LRP1B: variants seen among roughly 807,000 people sequenced by gnomAD.
The protein encoded by LRP1B is low-density lipoprotein receptor-related protein 1B.
In LRP1B, 217 loss-of-function variants were observed where a neutral mutation model predicts 556.6. The observed-to-expected ratio is 0.39, with a 90% CI of 0.35 to 0.44. LRP1B has a LOEUF of 0.44. Among genes scored for constraint, LRP1B ranks in the 20% least tolerant of loss-of-function variants. The probability of loss-of-function intolerance (pLI) is 1.00; values close to 1 mark genes in which losing one functional copy is unlikely to be tolerated. For missense variants in LRP1B, 5,053 were observed against 5,620.8 expected, an observed-to-expected ratio of 0.90 and a Z score of 3.23; for synonymous variants, 2,047 against 1,865.8, an observed-to-expected ratio of 1.10 and a Z score of -2.50.
At chr2:140,436,608 CTTTTT>C (rs56972100) in intron 66 of LRP1B, among the ~76,000 whole-genome samples, 1 of 139,260 alleles carries the variant, frequency 7.2e-6, no homozygotes, top group African/African-American at 2.6e-5. Context: ...TGCTCACTGT[CTTTTT>C]TTTTTTTTTT....
intron 27 of LRP1B, 72 bp downstream of exon 27, chr2:140,867,518 T>C (rs1236323311): frequency 7.0e-7 from 1 of 1,433,634 alleles, no homozygotes; most frequent in Non-Finnish European, 9.3e-7. Flanking sequence ...AGTTATTTTA[T>C]ACTTCAAATA....
chr2:141,279,727 T>C (rs1283919926), intron 3 of LRP1B, among the ~76,000 whole-genome samples: 2 of 152,098 alleles, frequency 1.3e-5, no homozygotes, highest in Non-Finnish European at 2.9e-5. Context: ...CCTCTTAATA[T>C]AGGCAAGCTC....
intron 3 of LRP1B, among the ~76,000 whole-genome samples, chr2:141,467,118 ATATATC>A (rs1177897415): frequency 0.11 from 306 of 2,780 alleles, 11 homozygotes; most frequent in African/African-American, 0.14. Context: ...ATATATATAT[ATATATC>A]TATATATATA....
intron 2 of LRP1B, among the ~76,000 whole-genome samples, chr2:141,809,922 C>T (rs768229092): frequency 6.6e-6 from 1 of 151,650 alleles, no homozygotes; most frequent in African/African-American, 2.4e-5. Context: ...TAAATTTTCT[C>T]AAGTCATTTT....
chr2:140,730,844 G>A (rs1206458451), intron 35 of LRP1B, among the ~76,000 whole-genome samples: 2 of 151,870 alleles, frequency 1.3e-5, no homozygotes, highest in African/African-American at 2.4e-5. Context: ...AGCGTGAGCC[G>A]CCACGCCCAG....
intron 3 of LRP1B, among the ~76,000 whole-genome samples, chr2:141,265,253 C>T (rs1160865892): frequency 6.6e-6 from 1 of 152,150 alleles, no homozygotes; most frequent in African/African-American, 2.4e-5. Context: ...CCAGGGTGCC[C>T]TCTATGTTGC....
intron 43 of LRP1B, among the ~76,000 whole-genome samples, chr2:140,582,596 G>T (rs185313271): frequency 6.6e-6 from 1 of 152,064 alleles, no homozygotes; most frequent in Admixed American, 6.6e-5. Flanking sequence ...GATCTCTTCC[G>T]CTCTGCTGCC....
intron 41 of LRP1B, among the ~76,000 whole-genome samples, chr2:140,689,043 A>C (rs1686147482): frequency 6.6e-6 from 1 of 152,244 alleles, no homozygotes; most frequent in African/African-American, 2.4e-5. Flanking sequence ...TAATCTTTGA[A>C]GTCCTAGACT....
chr2:140,535,118 G>A (rs913712541), intron 46 of LRP1B, among the ~76,000 whole-genome samples: 1 of 152,128 alleles, frequency 6.6e-6, no homozygotes, highest in African/African-American at 2.4e-5. Flanking sequence ...ATAAACAACA[G>A]AGGATATGTG....
Position 141,905,742 on chromosome 2 carries a change from G to A in LRP1B, c.83-95341C>T, listed in dbSNP as rs533450716. Among the ~76,000 whole-genome samples, 7 of 144,048 alleles carry A rather than the reference G, an allele frequency of 4.9e-5. No individual in the cohort carries two copies. The East Asian group carries it at 1.6e-3, about 32-fold the overall frequency. 94.5% of individuals were successfully genotyped at this position (144,048 alleles called of 152,430 possible). A position where few individuals can be genotyped will look rare whatever the true frequency, so the allele number is the denominator to read the frequency against. On this transcript the variant is annotated intron_variant, in intron 1 of 90. Transcript: ENST00000389484. ...CATTCATATAACCATCTTACAGGGA[G>A]AAAATGGATCTGGTTTGAATAGATG...
intron 3 of LRP1B, 40 bp from the exon 4 acceptor site, chr2:141,254,681 T>C (rs1389389385): frequency 2.1e-6 from 3 of 1,453,036 alleles, no homozygotes; most frequent in East Asian, 4.9e-5. Context: ...TATTTAACTG[T>C]ATATGTAAAT....
At chr2:140,550,337 C>T (rs922141907) in intron 43 of LRP1B, among the ~76,000 whole-genome samples, 1 of 152,044 alleles carries the variant, frequency 6.6e-6, no homozygotes, top group Non-Finnish European at 1.5e-5. Context: ...GCACAGTACT[C>T]AAAGTGACAG....
At chr2:141,021,830 A>G (rs948661619) in intron 11 of LRP1B, among the ~76,000 whole-genome samples, 1 of 151,992 alleles carries the variant, frequency 6.6e-6, no homozygotes, top group Admixed American at 6.6e-5. Flanking sequence ...CATAGCACCT[A>G]TCTCATAGGA....
intron 66 of LRP1B, among the ~76,000 whole-genome samples, chr2:140,416,371 A>G (rs561584689): frequency 6.6e-6 from 1 of 152,160 alleles, no homozygotes; most frequent in Non-Finnish European, 1.5e-5. Context: ...AAACCCTATC[A>G]GAGGCCAGGA....
intron 43 of LRP1B, among the ~76,000 whole-genome samples, chr2:140,561,602 C>G (rs540490583): frequency 6.6e-6 from 1 of 151,554 alleles, no homozygotes; most frequent in Admixed American, 6.6e-5. Flanking sequence ...CTTTTCAGCC[C>G]GACAGAATGA....
chr2:141,126,092 C>G (rs1296448758), intron 7 of LRP1B, among the ~76,000 whole-genome samples: 1 of 151,090 alleles, frequency 6.6e-6, no homozygotes, highest in African/African-American at 2.4e-5. Context: ...AGTGCAATGG[C>G]AAGATCTCAG....
chr2:141,676,397 T>C (rs1265348177), intron 2 of LRP1B, among the ~76,000 whole-genome samples: 1 of 152,168 alleles, frequency 6.6e-6, no homozygotes, highest in Non-Finnish European at 1.5e-5. Context: ...TCCAAACCCT[T>C]GTCCTCTTTT....
intron 2 of LRP1B, among the ~76,000 whole-genome samples, chr2:141,617,832 C>A (rs1271631618): frequency 6.6e-6 from 1 of 152,094 alleles, no homozygotes; most frequent in African/African-American, 2.4e-5. Flanking sequence ...TAAAAACTCC[C>A]ATGTATACAA....
At chr2:140,887,201 A>G (rs917690585) in intron 23 of LRP1B, among the ~76,000 whole-genome samples, 3 of 152,198 alleles carry the variant, frequency 2.0e-5, no homozygotes, top group Admixed American at 1.3e-4. Flanking sequence ...GGTACAGAAT[A>G]GTTCCAAATA....
Sources: allele counts gnomAD v4.1 joint callset (sites outside exome capture counted in the v4.1 genomes callset), GRCh38; gene constraint gnomAD v4.1.1; transcripts MANE v1.5; gene names NCBI Gene and HGNC (gene_info 2026-07-23, HGNC 2026-07-21).